Variants in DYNC2H1 observed in about 807,000 individuals in gnomAD.
DYNC2H1 encodes the protein cytoplasmic dynein 2 heavy chain 1.
Under a neutral mutation model 570.0 loss-of-function variants are expected in DYNC2H1, and 410 were observed. The observed-to-expected ratio is 0.72, with a 90% CI of 0.66 to 0.78. The LOEUF (loss-of-function observed/expected upper bound fraction) is 0.78, where lower values mean the gene tolerates loss of function less well. DYNC2H1 is among the 30% of genes least tolerant of loss of function. The probability of loss-of-function intolerance (pLI) is 0.00; values close to 1 mark genes in which losing one functional copy is unlikely to be tolerated. For missense variants in DYNC2H1, 4,865 were observed against 5,046.4 expected, an observed-to-expected ratio of 0.96 and a Z score of 1.09; for synonymous variants, 1,688 against 1,677.6, an observed-to-expected ratio of 1.01 and a Z score of -0.15.
At chr11:103,466,611 G>A (rs1945202400) in intron 87 of DYNC2H1, among the ~76,000 whole-genome samples, 2 of 152,076 alleles carry the variant, frequency 1.3e-5, no homozygotes, top group Admixed American at 1.3e-4. Flanking sequence ...ATTTTAATAG[G>A]CAACTTAGAT....
At chr11:103,223,706 G>A (rs1197843697) in intron 59 of DYNC2H1, among the ~76,000 whole-genome samples, 1 of 151,030 alleles carries the variant, frequency 6.6e-6, no homozygotes, top group East Asian at 2.0e-4. Flanking sequence ...GTTAAAGTAC[G>A]AAAGGAAAGC....
intron 84 of DYNC2H1, among the ~76,000 whole-genome samples, chr11:103,434,936 C>T (rs1351095864): frequency 6.6e-6 from 1 of 152,096 alleles, no homozygotes; most frequent in Non-Finnish European, 1.5e-5. Context: ...TGGAAACTGG[C>T]ATAGTATCAC....
At chr11:103,352,574 G>C (rs2135512705) in intron 82 of DYNC2H1, among the ~76,000 whole-genome samples, 1 of 152,266 alleles carries the variant, frequency 6.6e-6, no homozygotes, top group East Asian at 1.9e-4. Flanking sequence ...ATTGTTGTCA[G>C]ATATGATCTG....
chr11:103,220,631 C>A lies in DYNC2H1; in HGVS notation c.8955C>A (p.Val2985=). 1 of 1,603,622 alleles carries A rather than the reference C, an allele frequency of 6.2e-7. No homozygotes were observed. Among genetic ancestry groups the A allele is most frequent in the South Asian group, 1.1e-5 (1 of 87,762 alleles). Residue 2985 remains valine (V), a synonymous_variant, in exon 57 of 89, where the codon GTC becomes GTA. Transcript: ENST00000375735. The stretch of plus-strand genomic sequence containing the variant: ...GCCTTTTTCTCTTTTAGCCTTTAGT[C>A]AATGAAGCTAAACTAGCAGTTGGAA... ...DDELKEVQPL[V]NEAKLAVGNI...
chr11:103,225,372 G>A (rs1863762518), intron 59 of DYNC2H1, among the ~76,000 whole-genome samples: 1 of 152,130 alleles, frequency 6.6e-6, no homozygotes, highest in Non-Finnish European at 1.5e-5. Context: ...TTCTAGAATG[G>A]TTATGGTTTC....
chr11:103,469,628 A>C (rs949252255), intron 88 of DYNC2H1, among the ~76,000 whole-genome samples: 1 of 152,198 alleles, frequency 6.6e-6, no homozygotes, highest in South Asian at 2.1e-4. Flanking sequence ...CAGCTATAAG[A>C]GTATCCTCTG....
At chr11:103,379,919 A>G (rs1941568250) in intron 83 of DYNC2H1, among the ~76,000 whole-genome samples, 1 of 152,226 alleles carries the variant, frequency 6.6e-6, no homozygotes, top group Non-Finnish European at 1.5e-5. Flanking sequence ...GTTTTAAACT[A>G]GGCAAGTTCA....
At chr11:103,273,352 C>CTACTTTTTG (rs1414045060) in intron 70 of DYNC2H1, among the ~76,000 whole-genome samples, 1 of 151,974 alleles carries the variant, frequency 6.6e-6, no homozygotes, top group Non-Finnish European at 1.5e-5. Flanking sequence ...CCATGGGCGG[C>CTACTTTTTG]TACTTTTTGT....
chr11:103,177,536 A>G lies in DYNC2H1; in HGVS notation c.5875-20A>G, dbSNP rs532424006. On this transcript the variant is annotated intron_variant, in intron 37 of 88. Coordinates refer to ENST00000375735, the MANE Select transcript of DYNC2H1 (RefSeq NM_001377.3). The surrounding 1 kb of genome is among the most constrained non-coding windows in gnomAD (Gnocchi z 4.4). ...ATTGAATATTATAAATCATATATGA[A>G]CATATTTCTTTCCTACTAGATCAAA... 11 of 1,590,284 alleles carry G rather than the reference A, an allele frequency of 6.9e-6. No individual in the cohort carries two copies. The East Asian group carries it at 2.2e-4, about 32-fold the overall frequency.
chr11:103,138,778 A>C (rs1412599804), intron 17 of DYNC2H1, among the ~76,000 whole-genome samples: 2 of 152,152 alleles, frequency 1.3e-5, no homozygotes, highest in Non-Finnish European at 2.9e-5. Flanking sequence ...GAATAGTTTC[A>C]GAAGGAATGG....
chr11:103,285,424 C>T (rs28689723), intron 73 of DYNC2H1, among the ~76,000 whole-genome samples: 13 of 136,984 alleles, frequency 9.5e-5, no homozygotes, highest in African/African-American at 1.4e-4. Context: ...TTTTTCTTTT[C>T]TTTTTTTTTT....
In DYNC2H1 at chr11:103,241,759, T is replaced by C. The variant is rs997028270; in HGVS notation, c.9820-1934T>C. On this transcript the variant is annotated intron_variant, in intron 63 of 88. Transcript: ENST00000375735. This position sits in a 1 kb window ranked among gnomAD's most constrained non-coding sequence, Gnocchi z 5.1. ...GAGCAGTAAGTGAAATCTCTAGAAATAGATGCTGGGTGATGCTCATACAGT... is the reference window on the plus strand; with the variant it reads ...GAGCAGTAAGTGAAATCTCTAGAAACAGATGCTGGGTGATGCTCATACAGT... Among the ~76,000 whole-genome samples the C allele has an allele frequency of 2.0e-5, 3 of 152,042 alleles. No individual in the cohort carries two copies. Among genetic ancestry groups the C allele is most frequent in the Non-Finnish European group, 4.4e-5 (3 of 68,006 alleles).
rs116396806 is a variant in DYNC2H1 at position 103,334,891 on chromosome 11, C to G, written c.12039+10901C>G. ...AGAGAGAAGGGTATTTTCTAGTAAT[C>G]TTCTCTGCAACTTTCAGCTGTAAAA... On this transcript the variant is annotated intron_variant, in intron 82 of 88. Coordinates refer to ENST00000375735, the MANE Select transcript of DYNC2H1 (RefSeq NM_001377.3). This position sits in a 1 kb window ranked among gnomAD's most constrained non-coding sequence, Gnocchi z 4.3. Among the ~76,000 whole-genome samples, 1 of 152,042 alleles carries G rather than the reference C, an allele frequency of 6.6e-6. No homozygotes were observed. Among genetic ancestry groups the G allele is most frequent in the Non-Finnish European group, 1.5e-5 (1 of 67,954 alleles).
At chr11:103,208,226 G>A (rs1027831944) in intron 52 of DYNC2H1, among the ~76,000 whole-genome samples, 11 of 152,194 alleles carry the variant, frequency 7.2e-5, no homozygotes, top group African/African-American at 2.4e-4. Context: ...TATCTATAAT[G>A]GATATTGAAA....
intron 60 of DYNC2H1, among the ~76,000 whole-genome samples, chr11:103,232,242 G>A (rs896646508): frequency 6.6e-6 from 1 of 151,808 alleles, no homozygotes; most frequent in Admixed American, 6.6e-5. Context: ...GGTAATTTAT[G>A]TATTTATTTC....
Position 103,177,664 on chromosome 11 carries a change from G to A in DYNC2H1, c.5983G>A (p.Ala1995Thr), listed in dbSNP as rs552436294. The change falls in exon 38 of 89, where the codon GCG becomes ACG. Residue 1995 changes from alanine (A) to threonine (T), a missense_variant. Physicochemically the swap from Ala to Thr is moderately conservative, Grantham distance 58. Around this residue, in one of 5 missense-constraint regions of DYNC2H1, gnomAD observed 231 missense variants for 310.3 expected, o/e 0.74. Transcript: ENST00000375735. The surrounding 1 kb of genome is among the most constrained non-coding windows in gnomAD (Gnocchi z 4.4). The stretch of plus-strand genomic sequence containing the variant: ...AACGCTTTGGAGAATGTTAAGGGCT[G>A]CGCTTTGTAAAACTGGCAAAGTAGT... ...KSTLWRMLRA[A>T]LCKTGKVVKQ... 3.8e-5 allele frequency: 62 copies of A among 1,613,374 alleles called. No individual in the cohort carries two copies. The highest frequency in any genetic ancestry group is 3.8e-4 in the Admixed American group (23 of 59,892).
Position 103,256,180 on chromosome 11 carries a change from C to T in DYNC2H1, c.10401C>T (p.Ser3467=), listed in dbSNP as rs776250223. ...LIESLNQTKA[S]SALIQESLKE... is the part of the protein sequence containing the mutation. ...AGTCTTTGAATCAGACAAAAGCAAG[C>T]AGTGCACTTATTCAAGAGTCACTTA... The change falls in exon 68 of 89, where the codon AGC becomes AGT. Residue 3467 remains serine, a synonymous_variant. Transcript: ENST00000375735. The surrounding 1 kb of genome is among the most constrained non-coding windows in gnomAD (Gnocchi z 4.0). 3 of 1,608,968 alleles carry T rather than the reference C, an allele frequency of 1.9e-6. No individual in the cohort carries two copies. Among genetic ancestry groups the T allele is most frequent in the East Asian group, 2.2e-5 (1 of 44,690 alleles).
At chr11:103,469,895 G>C (rs1945318303) in intron 88 of DYNC2H1, among the ~76,000 whole-genome samples, 1 of 152,120 alleles carries the variant, frequency 6.6e-6, no homozygotes, top group Non-Finnish European at 1.5e-5. Flanking sequence ...AATTTGTCAA[G>C]TGTTGTGAAT....
rs1175442218 is a variant in DYNC2H1 at position 103,268,076 on chromosome 11, G to A, written c.10695+8099G>A. Among the ~76,000 whole-genome samples the A allele has an allele frequency of 3.3e-5, 5 of 151,836 alleles. No individual in the cohort carries two copies. The highest frequency in any genetic ancestry group is 4.8e-5 in the African/African-American group (2 of 41,308). On this transcript the variant is annotated intron_variant, in intron 70 of 88. Transcript: ENST00000375735. The surrounding 1 kb of genome is among the most constrained non-coding windows in gnomAD (Gnocchi z 4.6). ...TATGGTACACTTATTTTTATGTATAGTATAAGTATTTCTATTCAGTAAATT... is the reference window on the plus strand; with the variant it reads ...TATGGTACACTTATTTTTATGTATAATATAAGTATTTCTATTCAGTAAATT...
Sources: gnomAD v4.1 joint callset for allele counts (sites outside exome capture counted in the v4.1 genomes callset) on GRCh38, gnomAD v4.1.1 for gene constraint, gnomAD v4.1.1 regional missense constraint, Gnocchi (gnomAD v3.1) non-coding constraint, MANE v1.5 for transcripts, NCBI Gene and HGNC (gene_info 2026-07-23, HGNC 2026-07-21) for gene names.